Variants in ITK observed in about 807,000 individuals in gnomAD.
ITK encodes tyrosine-protein kinase ITK/TSK.
Under a neutral mutation model 87.6 loss-of-function variants are expected in ITK, and 45 were observed. The ratio of observed to expected loss-of-function variants is 0.51; its 90% CI spans 0.40 to 0.66. ITK has a LOEUF of 0.66. Among genes scored for constraint, ITK ranks in the 30% least tolerant of loss-of-function variants. The probability of loss-of-function intolerance (pLI) is 0.00; values close to 1 mark genes in which losing one functional copy is unlikely to be tolerated. For missense variants in ITK, 605 were observed against 766.3 expected, an observed-to-expected ratio of 0.79 and a Z score of 2.48; for synonymous variants, 303 against 273.6, an observed-to-expected ratio of 1.11 and a Z score of -1.06.
chr5:157,240,380 G>A (rs1754865020), intron 10 of ITK, 185 bp downstream of exon 10: 3 of 645,382 alleles, frequency 4.6e-6, no homozygotes, highest in Non-Finnish European at 8.4e-6. Flanking sequence ...AGAATCAAAT[G>A]CCTGATGATC....
rs1346079078 is a variant in ITK at position 157,252,698 on chromosome 5, C to T, written c.*20C>T. ...CTTTAGTAGAGACTGAGTACCAGGC[C>T]ACGGGCTGCAGATCCTGAATGGAGG... is the stretch of plus-strand genomic sequence containing the variant. On this transcript the variant is annotated 3_prime_UTR_variant, in exon 17 of 17. Coordinates refer to ENST00000422843, the MANE Select transcript of ITK (RefSeq NM_005546.4). 1 of 1,561,028 alleles carries T rather than the reference C, an allele frequency of 6.4e-7. No individual in the cohort carries two copies. The highest frequency in any genetic ancestry group is 8.8e-7 in the Non-Finnish European group (1 of 1,131,538).
At position 157,228,304 on chromosome 5, in the gene ITK, G is replaced by T. The variant is rs774619675; in HGVS notation, c.656G>T (p.Gly219Val). 1 of 1,594,130 alleles carries T rather than the reference G, an allele frequency of 6.3e-7. No individual in the cohort carries two copies. Among genetic ancestry groups the T allele is most frequent in the Non-Finnish European group, 8.6e-7 (1 of 1,161,974 alleles). ...AATTTTCCTTTTAACAGGCATGAAG[G>T]ATATGTACCAAGCAGTTATCTGGTG... ...WRVQDRNGHE[G>V]YVPSSYLVEK... Residue 219 changes from glycine to valine, a missense_variant, in exon 7 of 17, where the codon GGA becomes GTA. Physicochemically the swap from Gly to Val is moderately radical, Grantham distance 109. This residue lies in a region of ITK where 464 missense variants were observed against 578.0 expected (regional missense o/e 0.80). Transcript: ENST00000422843.
intron 5 of ITK, among the ~76,000 whole-genome samples, chr5:157,218,702 C>T (rs1296222688): frequency 2.0e-5 from 3 of 152,078 alleles, no homozygotes; most frequent in African/African-American, 7.2e-5. Flanking sequence ...AATCAAATCC[C>T]AAGACAGGTC....
Position 157,244,525 on chromosome 5 carries a change from A to T in ITK, c.1449+47A>T, listed in dbSNP as rs747710518. 1.3e-5 allele frequency: 13 copies of T among 1,037,592 alleles called. No individual in the cohort carries two copies. In the East Asian group the frequency reaches 2.4e-4, roughly 19 times the overall value. 64.3% of individuals were successfully genotyped at this position (1,037,592 alleles called of 1,614,324 possible). ...ACCCACAGGTCCAGGGTAAAGGGAC[A>T]GTTCTCACTGAAATGACTGGGAACG... is the stretch of plus-strand genomic sequence containing the variant. On this transcript the variant is annotated intron_variant, in intron 13 of 16. Coordinates refer to ENST00000422843, the MANE Select transcript of ITK (RefSeq NM_005546.4).
intron 8 of ITK, among the ~76,000 whole-genome samples, chr5:157,236,968 A>T (rs961519497): frequency 3.3e-5 from 5 of 152,234 alleles, no homozygotes; most frequent in Non-Finnish European, 7.3e-5. Flanking sequence ...GTTGGTAGGA[A>T]TGTTCATTAG....
intron 5 of ITK, among the ~76,000 whole-genome samples, chr5:157,218,997 A>G (rs1227960065): frequency 2.0e-5 from 3 of 151,986 alleles, no homozygotes; most frequent in Admixed American, 6.6e-5. Context: ...ACTCTAGGGC[A>G]GCTTATTTTG....
chr5:157,222,705 G>T, intron 5 of ITK, 158 bp from the exon 6 acceptor site: 1 of 700,602 alleles, frequency 1.4e-6, no homozygotes, highest in Non-Finnish European at 2.5e-6. Flanking sequence ...TGAATTCCAA[G>T]CACTGATGTC....
chr5:157,188,802 T>A (rs1327087387), intron 1 of ITK, among the ~76,000 whole-genome samples: 1 of 152,162 alleles, frequency 6.6e-6, no homozygotes, highest in African/African-American at 2.4e-5. Context: ...ATTTCCCATC[T>A]CTTCAAAGCA....
At chr5:157,247,472 T>C (rs779377805) in intron 15 of ITK, among the ~76,000 whole-genome samples, 47 of 152,302 alleles carry the variant, frequency 3.1e-4, no homozygotes, top group Middle Eastern at 3.4e-3. Flanking sequence ...GGCCCCACAA[T>C]GAGACATTTG....
At chr5:157,206,038 T>C (rs62381220) in intron 1 of ITK, among the ~76,000 whole-genome samples, 27,067 of 148,150 alleles carry the variant, frequency 0.18, 2,657 homozygotes, top group South Asian at 0.35. Flanking sequence ...TGCAGTGTCA[T>C]GATCTTGGCT....
At chr5:157,207,360 C>A (rs907924456) in intron 1 of ITK, among the ~76,000 whole-genome samples, 5 of 144,288 alleles carry the variant, frequency 3.5e-5, no homozygotes, top group Non-Finnish European at 6.0e-5. Flanking sequence ...TGCTTTATCA[C>A]GTATCTAGAT....
At chr5:157,220,219 G>C (rs762101908) in intron 5 of ITK, among the ~76,000 whole-genome samples, 2 of 152,174 alleles carry the variant, frequency 1.3e-5, no homozygotes, top group African/African-American at 4.8e-5. Context: ...GGGGTTGGGG[G>C]ATGGCTATTT....
At chr5:157,226,500 C>T (rs935196559) in intron 6 of ITK, among the ~76,000 whole-genome samples, 15 of 152,202 alleles carry the variant, frequency 9.9e-5, no homozygotes, top group Non-Finnish European at 1.8e-4. Context: ...TGACTTTCTT[C>T]CGTTGGAATG....
At chr5:157,234,355 T>C (rs931275454) in intron 8 of ITK, among the ~76,000 whole-genome samples, 7 of 152,152 alleles carry the variant, frequency 4.6e-5, no homozygotes, top group African/African-American at 1.7e-4. Flanking sequence ...CAAACATCAA[T>C]GGGTCCCTGT....
chr5:157,200,300 G>T (rs1044848692), intron 1 of ITK, among the ~76,000 whole-genome samples: 1 of 152,166 alleles, frequency 6.6e-6, no homozygotes, highest in Non-Finnish European at 1.5e-5. Flanking sequence ...AGAGACAAGG[G>T]TAAGCAAGGT....
intron 8 of ITK, among the ~76,000 whole-genome samples, chr5:157,237,086 T>C (rs2113770298): frequency 6.6e-6 from 1 of 152,314 alleles, no homozygotes; most frequent in Non-Finnish European, 1.5e-5. Flanking sequence ...GGATAATAAA[T>C]TATTCTACCT....
intron 1 of ITK, among the ~76,000 whole-genome samples, chr5:157,189,689 A>G (rs930348100): frequency 2.2e-4 from 34 of 152,180 alleles, no homozygotes; most frequent in African/African-American, 8.2e-4. Context: ...ACAAAACAGA[A>G]AAAAAGGAAA....
rs1754674801 is a variant in ITK at position 157,232,368 on chromosome 5, A to T, written c.742A>T (p.Lys248Ter). The T allele has an allele frequency of 3.1e-6, 5 of 1,611,798 alleles. No individual in the cohort carries two copies. Among genetic ancestry groups the T allele is most frequent in the Non-Finnish European group, 3.4e-6 (4 of 1,178,312 alleles). The change falls in exon 8 of 17, where the codon AAA becomes TAA. Residue 248 changes from lysine (K) to a stop codon, truncating the protein, a stop_gained. Coordinates refer to ENST00000422843, the MANE Select transcript of ITK (RefSeq NM_005546.4). LOFTEE classifies it high-confidence loss of function. ...EWYNKSISRD[K>*]AEKLLLDTGK... ...GTACAATAAGAGTATCAGCCGAGAC[A>T]AAGCTGAAAAACTTCTTTTGGACAC...
intron 1 of ITK, among the ~76,000 whole-genome samples, chr5:157,186,635 G>A (rs533895934): frequency 2.6e-4 from 39 of 151,776 alleles, no homozygotes; most frequent in South Asian, 1.0e-3. Context: ...AAGATTGTGC[G>A]ATTGCACTCC....
Sources: gnomAD v4.1 joint callset for allele counts (sites outside exome capture counted in the v4.1 genomes callset) on GRCh38, gnomAD v4.1.1 for gene constraint, gnomAD v4.1.1 regional missense constraint, MANE v1.5 for transcripts, NCBI Gene and HGNC (gene_info 2026-07-23, HGNC 2026-07-21) for gene names.